Variants in COL10A1 observed in about 807,000 individuals in gnomAD.
COL10A1 encodes collagen alpha-1(X) chain.
Under a neutral mutation model 18.2 loss-of-function variants are expected in COL10A1, and 10 were observed. That is an observed-to-expected ratio of 0.55 (90% CI 0.34 to 0.93). The LOEUF is 0.93. COL10A1 is among the 40% of genes least tolerant of loss of function. The pLI, the probability that COL10A1 is intolerant of heterozygous loss-of-function variation, is 0.02. For synonymous variants in COL10A1, 330 were observed against 316.6 expected, an observed-to-expected ratio of 1.04 and a Z score of -0.45; for missense variants, 897 against 853.5, an observed-to-expected ratio of 1.05 and a Z score of -0.64.
chr6:116,132,251 A>C (rs1481450565), intron 1 of COL10A1, among the ~76,000 whole-genome samples: 1 of 152,106 alleles, frequency 6.6e-6, no homozygotes, highest in Non-Finnish European at 1.5e-5. Flanking sequence ...ATTTTGTTGA[A>C]CTTTTTAATT....
intron 1 of COL10A1, among the ~76,000 whole-genome samples, chr6:116,136,396 A>G (rs1406884102): frequency 6.6e-6 from 1 of 152,042 alleles, no homozygotes; most frequent in Non-Finnish European, 1.5e-5. Context: ...ATGCTTTATA[A>G]TCATGATTCT....
chr6:116,200,002 G>A, the COL10A1 span, among the ~76,000 whole-genome samples: 78 of 101,286 alleles, frequency 7.7e-4, 1 homozygote, highest in African/African-American at 2.3e-3. Context: ...TGGAAAGTGG[G>A]GGGGGAAGAG....
chr6:116,207,985 A>G, the COL10A1 span, among the ~76,000 whole-genome samples: 2 of 152,016 alleles, frequency 1.3e-5, no homozygotes, highest in Admixed American at 1.3e-4. Flanking sequence ...CCTACTACAG[A>G]AGAAAAACCA....
intron 1 of COL10A1, among the ~76,000 whole-genome samples, chr6:116,140,429 T>G (rs1330555380): frequency 6.6e-6 from 1 of 152,170 alleles, no homozygotes; most frequent in African/African-American, 2.4e-5. Flanking sequence ...TTTTTTTCAA[T>G]ATTTAAAATT....
At chr6:116,178,088 TGCGCGC>T in the COL10A1 span, among the ~76,000 whole-genome samples, 9 of 99,666 alleles carry the variant, frequency 9.0e-5, no homozygotes, top group East Asian at 2.4e-4. Flanking sequence ...TGTGTGTGTG[TGCGCGC>T]GCGCGCGCGT....
upstream of COL10A1, chr6:116,158,892 G>A (rs1167131708): frequency 6.6e-6 from 1 of 152,142 alleles, no homozygotes; most frequent in Admixed American, 6.6e-5. Context: ...TTTTCCAGCA[G>A]TCAGTGACTT....
At chr6:116,140,032 T>C (rs552969743) in intron 1 of COL10A1, among the ~76,000 whole-genome samples, 6 of 152,310 alleles carry the variant, frequency 3.9e-5, no homozygotes, top group Admixed American at 6.5e-5. Context: ...ACCACTGTTA[T>C]TTTGTAAGGA....
chr6:116,139,330 T>C (rs1223753887), intron 1 of COL10A1, among the ~76,000 whole-genome samples: 1 of 152,156 alleles, frequency 6.6e-6, no homozygotes, highest in Non-Finnish European at 1.5e-5. Context: ...GATTAAACTC[T>C]TGTGTAGAAT....
chr6:116,163,044 G>A (rs566464169), upstream of COL10A1, among the ~76,000 whole-genome samples: 28 of 149,108 alleles, frequency 1.9e-4, no homozygotes, highest in South Asian at 1.5e-3. Flanking sequence ...GGAGAATGGC[G>A]TGAACCCGGG....
At chr6:116,163,141 A>AAATAT (rs761718922), upstream of COL10A1, among the ~76,000 whole-genome samples, 43 of 88,394 alleles carry the variant, frequency 4.9e-4, no homozygotes, top group African/African-American at 1.8e-3. Flanking sequence ...AAAAAAAAAA[A>AAATAT]ATATATATAT....
chr6:116,145,132 A>G (rs1353285165), intron 1 of COL10A1, among the ~76,000 whole-genome samples: 2 of 152,172 alleles, frequency 1.3e-5, no homozygotes, highest in Non-Finnish European at 2.9e-5. Context: ...AAGCATTATA[A>G]TAGATTGAAA....
the COL10A1 span, among the ~76,000 whole-genome samples, chr6:116,184,887 T>A: frequency 2.6e-5 from 4 of 152,220 alleles, 1 homozygote; most frequent in African/African-American, 2.4e-5. Flanking sequence ...AGCTTTGCTC[T>A]GATCTTGATT....
chr6:116,122,121 T>C (rs2041667377), intron 2 of COL10A1, among the ~76,000 whole-genome samples, 160 bp from the exon 3 acceptor site: 1 of 152,234 alleles, frequency 6.6e-6, no homozygotes, highest in Non-Finnish European at 1.5e-5. Context: ...ATATGTTTTA[T>C]ACTGTTTTAA....
chr6:116,136,895 A>G (rs766012138), intron 1 of COL10A1, among the ~76,000 whole-genome samples: 10 of 152,216 alleles, frequency 6.6e-5, no homozygotes, highest in Non-Finnish European at 1.2e-4. Flanking sequence ...CTGTACAAGA[A>G]GAATCCAGCC....
chr6:116,131,201 C>A (rs1334872043), intron 1 of COL10A1, among the ~76,000 whole-genome samples: 2 of 152,132 alleles, frequency 1.3e-5, no homozygotes, highest in East Asian at 1.9e-4. Flanking sequence ...TCACAAAATA[C>A]CTGAACATTC....
At chr6:116,192,195 T>C in the COL10A1 span, among the ~76,000 whole-genome samples, 3 of 152,134 alleles carry the variant, frequency 2.0e-5, no homozygotes, top group East Asian at 5.8e-4. Context: ...GCCAGTTAAT[T>C]AACCTCTGTA....
the COL10A1 span, among the ~76,000 whole-genome samples, chr6:116,188,718 T>G: frequency 1.3e-5 from 2 of 151,580 alleles, no homozygotes; most frequent in Non-Finnish European, 2.9e-5. Flanking sequence ...TTTTTTTTTT[T>G]TACCTGATTA....
the COL10A1 span, among the ~76,000 whole-genome samples, chr6:116,210,804 T>TA: frequency 8.6e-5 from 13 of 151,682 alleles, no homozygotes; most frequent in South Asian, 4.2e-4. Flanking sequence ...GAAACACAGG[T>TA]AAAAAAAACT....
the COL10A1 span, among the ~76,000 whole-genome samples, chr6:116,211,279 C>T: frequency 6.6e-6 from 1 of 151,932 alleles, no homozygotes; most frequent in Admixed American, 6.6e-5. Flanking sequence ...GGCACAACTC[C>T]AAGTGAGAAA....
Sources: allele counts gnomAD v4.1 joint callset (sites outside exome capture counted in the v4.1 genomes callset), GRCh38; gene constraint gnomAD v4.1.1; transcripts MANE v1.5; gene names NCBI Gene and HGNC (gene_info 2026-07-23, HGNC 2026-07-21).